The following MTX3 variants were observed in gnomAD, a reference collection of about 807,000 sequenced individuals.
MTX3 encodes metaxin-3.
Under a neutral mutation model 42.5 loss-of-function variants are expected in MTX3, and 27 were observed. That is an observed-to-expected ratio of 0.64 (90% confidence interval 0.47 to 0.88). The LOEUF (loss-of-function observed/expected upper bound fraction) is 0.88, where lower values mean the gene tolerates loss of function less well. Among genes scored for constraint, MTX3 ranks in the 40% least tolerant of loss-of-function variants. The probability of loss-of-function intolerance (pLI) is 0.00; values close to 1 mark genes in which losing one functional copy is unlikely to be tolerated. For synonymous variants in MTX3, 144 were observed against 132.9 expected, an observed-to-expected ratio of 1.08 and a Z score of -0.57; for missense variants, 378 against 367.0, an observed-to-expected ratio of 1.03 and a Z score of -0.25.
intron 1 of MTX3, 137 bp from the exon 2 acceptor site, chr5:79,990,800 A>C: frequency 1.3e-6 from 1 of 768,034 alleles, no homozygotes. Context: ...CGTGATCTCA[A>C]GTAGGGACGC....
rs145775233 is a variant in MTX3, at chr5:79,987,220, C to A, written c.582-113G>T. On this transcript the variant is annotated intron_variant, in intron 6 of 8. Coordinates refer to ENST00000512528, the MANE Select transcript of MTX3 (RefSeq NM_001363818.2). ...TTTGGGAGATCAAGCGGGGGCAGAT[C>A]ACTTGAGGTCAGGAGTTCCAGATAA... 180 of 825,582 alleles carry A rather than the reference C, an allele frequency of 2.2e-4. No individual in the cohort carries two copies. In the East Asian group the frequency reaches 4.8e-3, roughly 22 times the overall value. 51.1% of individuals were successfully genotyped at this position (825,582 alleles called of 1,614,324 possible).
intron 1 of MTX3, 135 bp downstream of exon 1, chr5:79,991,023 G>A: frequency 1.0e-6 from 1 of 957,802 alleles, no homozygotes; most frequent in Non-Finnish European, 1.6e-6. Flanking sequence ...CGGTGGGAGG[G>A]AGCCCAGGGC....
chr5:79,991,065 A>G (rs992115887), intron 1 of MTX3, 93 bp downstream of exon 1: 8 of 1,278,818 alleles, frequency 6.3e-6, no homozygotes, highest in Non-Finnish European at 5.6e-6. Context: ...GCCCTCCTGG[A>G]CCCCGCAGCG....
intron 8 of MTX3, among the ~76,000 whole-genome samples, chr5:79,984,735 C>G (rs900231058): frequency 1.3e-5 from 2 of 152,178 alleles, no homozygotes; most frequent in East Asian, 3.9e-4. Flanking sequence ...TCTCCCCTAC[C>G]CAGTTCCTCA....
At chr5:79,985,441 AAC>A (rs1286821896) in intron 8 of MTX3, 128 bp downstream of exon 8, 11 of 670,094 alleles carry the variant, frequency 1.6e-5, no homozygotes, top group Admixed American at 2.8e-5. Context: ...AGTATATTTA[AAC>A]AGTTTTCTGA....
intron 2 of MTX3, 140 bp downstream of exon 2, chr5:79,990,454 T>C: frequency 1.4e-6 from 1 of 697,506 alleles, no homozygotes; most frequent in South Asian, 2.1e-5. Context: ...TTACTCAGAA[T>C]GATCAAACCA....
chr5:79,980,735 T>A lies in MTX3; in HGVS notation c.*2949A>T, dbSNP rs1443622658. 1 of 152,212 alleles carries A rather than the reference T, an allele frequency of 6.6e-6. No homozygotes were observed. The highest frequency in any genetic ancestry group is 1.5e-5 in the Non-Finnish European group (1 of 68,036). The allele number at this position is 152,212 out of a possible 1,614,324, so 9.4% of individuals were successfully genotyped here. The stretch of plus-strand genomic sequence containing the variant: ...CTCCACCATTACTTCCAAAAGGCAT[T>A]GGCTCACAGTATTCTGTTTAAGATT... On this transcript the variant is annotated 3_prime_UTR_variant, in exon 9 of 9. Transcript: ENST00000512528.
chr5:79,990,783 C>T (rs1482988834), intron 1 of MTX3, 120 bp from the exon 2 acceptor site: 1 of 798,884 alleles, frequency 1.3e-6, no homozygotes, highest in East Asian at 2.6e-5. Context: ...GAGGCCGCAT[C>T]CCTCCCCGTG....
At position 79,991,141 on chromosome 5, in the gene MTX3, C is replaced by G; in HGVS notation, c.81+17G>C. 1 of 1,545,814 alleles carries G rather than the reference C, an allele frequency of 6.5e-7. No homozygotes were observed. The highest frequency in any genetic ancestry group is 8.7e-7 in the Non-Finnish European group (1 of 1,143,886). ...CCGCCCCTTCCTCCTGCGCCCTGGC[C>G]CGCGAGGCGGCCTCACCATCACCAC... On this transcript the variant is annotated intron_variant, in intron 1 of 8. Transcript: ENST00000512528.
chr5:79,979,655 T>A lies in MTX3; in HGVS notation c.*4029A>T, dbSNP rs1423056438. On this transcript the variant is annotated 3_prime_UTR_variant, in exon 9 of 9. Coordinates refer to ENST00000512528, the MANE Select transcript of MTX3 (RefSeq NM_001363818.2). ...GACAGAGCTTTTTCAAAATATTTTA[T>A]CCTCAGAAGTAAACCCCACTACCAT... The A allele has an allele frequency of 6.6e-6, 1 of 152,106 alleles. No homozygotes were observed. Among genetic ancestry groups the A allele is most frequent in the Non-Finnish European group, 1.5e-5 (1 of 67,992 alleles). 9.4% of individuals were successfully genotyped at this position (152,106 alleles called of 1,614,324 possible).
chr5:79,989,613 A>C (rs577951596), intron 3 of MTX3, among the ~76,000 whole-genome samples: 1 of 152,346 alleles, frequency 6.6e-6, no homozygotes, highest in Non-Finnish European at 1.5e-5. Context: ...CTTCCAATTT[A>C]TAAAAGTTCA....
At chr5:79,988,014 G>A (rs952758728) in intron 6 of MTX3, among the ~76,000 whole-genome samples, 6 of 152,028 alleles carry the variant, frequency 3.9e-5, no homozygotes, top group African/African-American at 9.7e-5. Context: ...ATGGGGTTTC[G>A]CCATGTTGGG....
intron 7 of MTX3, chr5:79,986,573 C>G: frequency 2.9e-6 from 1 of 347,316 alleles, no homozygotes; most frequent in South Asian, 2.2e-5. Flanking sequence ...ATGCTAGAAG[C>G]AGCAGGTAAA....
chr5:79,985,662 A>G lies in MTX3; in HGVS notation c.740-3T>C. 6.2e-7 allele frequency: 1 copy of G among 1,604,990 alleles called. No homozygotes were observed. Among genetic ancestry groups the G allele is most frequent in the South Asian group, 1.1e-5 (1 of 90,362 alleles). On this transcript the variant is annotated splice_region_variant and splice_polypyrimidine_tract_variant and intron_variant, in intron 7 of 8. Transcript: ENST00000512528. Reference sequence around the variant, plus strand: ...TTCTTGTCCAGCTGGAGAGATGCCTAAGAAGCCAGGACAGAAATCAGAGAA... The same window carrying G: ...TTCTTGTCCAGCTGGAGAGATGCCTGAGAAGCCAGGACAGAAATCAGAGAA...
At chr5:79,990,873 G>C (rs1433702430) in intron 1 of MTX3, 4 of 709,082 alleles carry the variant, frequency 5.6e-6, no homozygotes, top group Non-Finnish European at 7.7e-6. Flanking sequence ...ATGCAGAGTA[G>C]GGAGGGCGCG....
chr5:79,984,320 C>T (rs1718307218), intron 8 of MTX3, among the ~76,000 whole-genome samples: 1 of 152,332 alleles, frequency 6.6e-6, no homozygotes, highest in East Asian at 1.9e-4. Flanking sequence ...GATTCCAAAA[C>T]TATTATTCTT....
rs1455489106 is a variant in MTX3 at position 79,983,626 on chromosome 5, T to A, written c.*58A>T. On this transcript the variant is annotated 3_prime_UTR_variant, in exon 9 of 9. Transcript: ENST00000512528. Reference sequence around the variant, plus strand: ...GTATCTTCTTTTTGCCTTCACACACTTGGTGTAAGAGATTACTGCAACAAT... The same window carrying A: ...GTATCTTCTTTTTGCCTTCACACACATGGTGTAAGAGATTACTGCAACAAT... 6.4e-6 allele frequency: 8 copies of A among 1,255,372 alleles called. No individual in the cohort carries two copies. In the Admixed American group the frequency reaches 6.7e-5, roughly 11 times the overall value. 77.8% of individuals were successfully genotyped at this position (1,255,372 alleles called of 1,614,324 possible).
At position 79,988,323 on chromosome 5, in the gene MTX3, G is replaced by A; in HGVS notation, c.505-8C>T. 6.5e-7 allele frequency: 1 copy of A among 1,534,570 alleles called. No homozygotes were observed. Among genetic ancestry groups the A allele is most frequent in the Non-Finnish European group, 8.9e-7 (1 of 1,128,754 alleles). ...CTTGGCATCTCTGTATATCTAATAAGGATGAAATTATATCTCAAAAGTAGA... is the reference window on the plus strand; with the variant it reads ...CTTGGCATCTCTGTATATCTAATAAAGATGAAATTATATCTCAAAAGTAGA... On this transcript the variant is annotated splice_polypyrimidine_tract_variant and splice_region_variant and intron_variant, in intron 5 of 8. Coordinates refer to ENST00000512528, the MANE Select transcript of MTX3 (RefSeq NM_001363818.2).
intron 2 of MTX3, 87 bp from the exon 3 acceptor site, chr5:79,990,323 C>T (rs1292211039): frequency 2.2e-6 from 2 of 899,118 alleles, no homozygotes; most frequent in East Asian, 5.7e-5. Context: ...AGCAGTTGCA[C>T]ATTTAGAGGG....
Sources: gnomAD v4.1 joint callset for allele counts (sites outside exome capture counted in the v4.1 genomes callset) on GRCh38, gnomAD v4.1.1 for gene constraint, MANE v1.5 for transcripts, NCBI Gene and HGNC (gene_info 2026-07-23, HGNC 2026-07-21) for gene names.